The following EPHA6 variants were observed in gnomAD, a reference collection of about 807,000 sequenced individuals.
EPHA6 encodes EPH receptor A6, also known as ephrin type-A receptor 6.
EPHA6 carries 50 observed loss-of-function variants against 112.0 expected under a neutral mutation model. That is an observed-to-expected ratio of 0.45 (90% CI 0.36 to 0.56). EPHA6 has a LOEUF of 0.56. EPHA6 is among the 20% of genes least tolerant of loss of function. The probability of loss-of-function intolerance (pLI) is 0.00; values close to 1 mark genes in which losing one functional copy is unlikely to be tolerated. For synonymous variants in EPHA6, 529 were observed against 490.7 expected, an observed-to-expected ratio of 1.08 and a Z score of -1.03; for missense variants, 1,280 against 1,417.4, an observed-to-expected ratio of 0.90 and a Z score of 1.56.
chr3:96,861,938 A>AT (rs1399282544), intron 1 of EPHA6, among the ~76,000 whole-genome samples: 3 of 151,800 alleles, frequency 2.0e-5, no homozygotes, highest in Middle Eastern at 3.2e-3. Flanking sequence ...TCTATGTTAG[A>AT]TTTTTTTCAG....
At chr3:97,594,649 T>A (rs1293412309) in intron 12 of EPHA6, among the ~76,000 whole-genome samples, 1 of 152,218 alleles carries the variant, frequency 6.6e-6, no homozygotes, top group Non-Finnish European at 1.5e-5. Flanking sequence ...TCCCAAGATT[T>A]TTTTTATATT....
At chr3:96,950,907 G>A (rs1182737346) in intron 2 of EPHA6, among the ~76,000 whole-genome samples, 1 of 151,792 alleles carries the variant, frequency 6.6e-6, no homozygotes, top group Non-Finnish European at 1.5e-5. Context: ...ATTAGTGATG[G>A]CTAATCATAA....
At chr3:97,397,558 A>G (rs2086764767) in intron 5 of EPHA6, among the ~76,000 whole-genome samples, 1 of 151,598 alleles carries the variant, frequency 6.6e-6, no homozygotes, top group African/African-American at 2.4e-5. Flanking sequence ...TGTTTCTCTC[A>G]TCCTCTCCTT....
At chr3:97,363,170 CAATATATATATA>C (rs2084470365) in intron 5 of EPHA6, among the ~76,000 whole-genome samples, 1 of 62,636 alleles carries the variant, frequency 1.6e-5, no homozygotes, top group African/African-American at 6.5e-5. Flanking sequence ...ATTGCCCCTG[CAATATATATATA>C]TATATATATA....
intron 5 of EPHA6, among the ~76,000 whole-genome samples, chr3:97,321,255 C>A (rs975638586): frequency 6.6e-6 from 1 of 151,626 alleles, no homozygotes; most frequent in Non-Finnish European, 1.5e-5. Flanking sequence ...TTTTTTCCCC[C>A]AAAAGTAAAT....
intron 3 of EPHA6, among the ~76,000 whole-genome samples, chr3:97,017,674 A>G (rs768306386): frequency 1.3e-5 from 2 of 152,108 alleles, no homozygotes; most frequent in African/African-American, 4.8e-5. Flanking sequence ...TTGGAGCTCC[A>G]TTGTACGTTA....
chr3:97,575,692 T>C (rs1244094742), intron 11 of EPHA6, among the ~76,000 whole-genome samples: 2 of 152,158 alleles, frequency 1.3e-5, no homozygotes, highest in East Asian at 3.9e-4. Context: ...GGGGAGCCTT[T>C]GAAAGGTTTT....
intron 12 of EPHA6, among the ~76,000 whole-genome samples, chr3:97,602,964 A>G (rs900753817): frequency 6.6e-6 from 1 of 152,032 alleles, no homozygotes; most frequent in Non-Finnish European, 1.5e-5. Flanking sequence ...ATTATTACAT[A>G]ACCACTTCCT....
intron 2 of EPHA6, among the ~76,000 whole-genome samples, chr3:96,875,122 TATAATA>T (rs941389267): frequency 2.6e-5 from 4 of 151,768 alleles, no homozygotes; most frequent in African/African-American, 9.7e-5. Flanking sequence ...AGATTGTACT[TATAATA>T]ATAATAATAA....
At chr3:97,155,574 ACAT>A (rs1347995385) in intron 3 of EPHA6, among the ~76,000 whole-genome samples, 2 of 152,172 alleles carry the variant, frequency 1.3e-5, no homozygotes, top group African/African-American at 4.8e-5. Context: ...GACTTGACTG[ACAT>A]CATTGTTCTG....
chr3:96,910,212 A>G (rs2039146320), intron 2 of EPHA6, among the ~76,000 whole-genome samples: 1 of 152,104 alleles, frequency 6.6e-6, no homozygotes, highest in Non-Finnish European at 1.5e-5. Context: ...TTTAACAGCA[A>G]CAACAAAAAT....
chr3:97,563,601 A>G (rs1203335465), intron 11 of EPHA6, among the ~76,000 whole-genome samples: 6 of 152,296 alleles, frequency 3.9e-5, no homozygotes, highest in Non-Finnish European at 5.9e-5. Flanking sequence ...TGGCAAATTA[A>G]TCTTAGGAGT....
intron 10 of EPHA6, among the ~76,000 whole-genome samples, chr3:97,509,652 C>T (rs954275257): frequency 3.3e-5 from 5 of 152,132 alleles, no homozygotes; most frequent in Non-Finnish European, 7.4e-5. Flanking sequence ...GTGAATCTGA[C>T]GATTATGTGT....
Position 97,178,772 on chromosome 3 carries a change from A to G in EPHA6, c.1115-47492A>G, listed in dbSNP as rs373351376. 8.6e-4 allele frequency among the ~76,000 whole-genome samples: 131 copies of G among 152,022 alleles called. 1 individual carries two copies. Among genetic ancestry groups the G allele is most frequent in the African/African-American group, 2.9e-3 (120 of 41,464 alleles). On this transcript the variant is annotated intron_variant, in intron 3 of 17. Coordinates refer to ENST00000389672, the MANE Select transcript of EPHA6 (RefSeq NM_001080448.3). ...TCTTTTCTCTTGCTGCTTTTAGGAA[A>G]CTTTCTTTATCTTTGATCTTTGAGA...
intron 3 of EPHA6, among the ~76,000 whole-genome samples, chr3:97,188,780 T>C (rs907965506): frequency 1.3e-5 from 2 of 151,966 alleles, no homozygotes; most frequent in Admixed American, 6.6e-5. Context: ...TACAGAGTTA[T>C]AGTATTGCTG....
chr3:97,081,080 A>G, intron 3 of EPHA6, among the ~76,000 whole-genome samples: 1 of 149,348 alleles, frequency 6.7e-6, no homozygotes, highest in Non-Finnish European at 1.5e-5. Context: ...ATAATGCCAT[A>G]TTCATATATG....
intron 14 of EPHA6, among the ~76,000 whole-genome samples, chr3:97,640,703 C>T (rs1341381782): frequency 2.6e-5 from 4 of 152,022 alleles, no homozygotes; most frequent in Non-Finnish European, 4.4e-5. Context: ...CCGCTTGAAC[C>T]CAGGAGGCGG....
intron 3 of EPHA6, among the ~76,000 whole-genome samples, chr3:97,139,823 G>A (rs1220756583): frequency 1.3e-5 from 2 of 152,166 alleles, no homozygotes; most frequent in Admixed American, 6.5e-5. Flanking sequence ...TGTAGCAGTG[G>A]ATCCTAACCA....
intron 14 of EPHA6, among the ~76,000 whole-genome samples, chr3:97,706,818 T>C (rs1465701693): frequency 1.3e-5 from 2 of 151,854 alleles, no homozygotes; most frequent in African/African-American, 4.8e-5. Context: ...CAATTGAATC[T>C]GGTACAAACT....
Sources: allele counts gnomAD v4.1 joint callset (sites outside exome capture counted in the v4.1 genomes callset), GRCh38; gene constraint gnomAD v4.1.1; transcripts MANE v1.5; gene names NCBI Gene and HGNC (gene_info 2026-07-23, HGNC 2026-07-21).